The following NEBL variants were observed in gnomAD, a reference collection of about 807,000 sequenced individuals.
NEBL encodes the protein LIM and SH3 protein 2.
NEBL carries 122 observed loss-of-function variants against 140.2 expected under a neutral mutation model. The ratio of observed to expected loss-of-function variants is 0.87; its 90% CI spans 0.75 to 1.01. The LOEUF is 1.01. Among genes scored for constraint, NEBL ranks in the 50% least tolerant of loss-of-function variants. The pLI is 0.00. For missense variants in NEBL, 1,365 were observed against 1,231.3 expected, an observed-to-expected ratio of 1.11 and a Z score of -1.62; for synonymous variants, 436 against 398.9, an observed-to-expected ratio of 1.09 and a Z score of -1.11.
At chr10:21,063,468 C>G (rs1468371164) in intron 2 of NEBL, among the ~76,000 whole-genome samples, 2 of 152,204 alleles carry the variant, frequency 1.3e-5, no homozygotes, top group Non-Finnish European at 2.9e-5. Flanking sequence ...CAACATGGAG[C>G]TGAAATCCCT....
At chr10:20,955,423 G>A (rs900098747) in intron 4 of NEBL, among the ~76,000 whole-genome samples, 5 of 152,182 alleles carry the variant, frequency 3.3e-5, no homozygotes, top group African/African-American at 1.2e-4. Context: ...GGATCAGGGG[G>A]CTGGGCTGTC....
At chr10:20,964,160 T>C (rs1361005243) in intron 3 of NEBL, among the ~76,000 whole-genome samples, 1 of 152,030 alleles carries the variant, frequency 6.6e-6, no homozygotes, top group Non-Finnish European at 1.5e-5. Flanking sequence ...CCCTTTGCCC[T>C]CACATGACCT....
intron 2 of NEBL, among the ~76,000 whole-genome samples, chr10:21,043,114 G>A (rs1380840480): frequency 6.6e-6 from 1 of 152,126 alleles, no homozygotes; most frequent in Non-Finnish European, 1.5e-5. Context: ...ACAGAAGTAG[G>A]CCTTTTTCCC....
intron 4 of NEBL, among the ~76,000 whole-genome samples, chr10:20,918,724 G>A (rs572481185): frequency 2.0e-4 from 31 of 151,454 alleles, no homozygotes; most frequent in Non-Finnish European, 3.4e-4. Flanking sequence ...GGTGGCGGGC[G>A]CCTATAGTCC....
intron 2 of NEBL, among the ~76,000 whole-genome samples, chr10:21,144,683 T>G (rs995780354): frequency 6.6e-6 from 1 of 151,876 alleles, no homozygotes; most frequent in Non-Finnish European, 1.5e-5. Context: ...GCCGAGATCA[T>G]GTCACTGCAC....
At chr10:20,809,931 A>G in intron 24 of NEBL, 33 bp from the exon 25 acceptor site, 2 of 1,394,604 alleles carry the variant, frequency 1.4e-6, no homozygotes, top group Non-Finnish European at 2.0e-6. Flanking sequence ...AACACTCATC[A>G]AGAAGGAATT....
intron 2 of NEBL, among the ~76,000 whole-genome samples, chr10:21,088,198 AT>A (rs1335208945): frequency 6.6e-6 from 1 of 152,178 alleles, no homozygotes; most frequent in Non-Finnish European, 1.5e-5. Context: ...AGTGTACCAC[AT>A]CCTGGCTCAC....
intron 11 of NEBL, among the ~76,000 whole-genome samples, chr10:20,849,268 G>A (rs973152040): frequency 3.4e-4 from 52 of 151,952 alleles, no homozygotes; most frequent in Non-Finnish European, 5.1e-4. Flanking sequence ...AAAAGTGTGG[G>A]GAATATCGAG....
chr10:20,893,235 T>G (rs1166619735), intron 2 of NEBL, among the ~76,000 whole-genome samples: 1 of 152,168 alleles, frequency 6.6e-6, no homozygotes, highest in East Asian at 1.9e-4. Flanking sequence ...ATCAGAAGAC[T>G]ACTAGATCCA....
intron 4 of NEBL, among the ~76,000 whole-genome samples, chr10:20,952,029 A>T (rs533455694): frequency 6.6e-6 from 1 of 152,304 alleles, no homozygotes; most frequent in African/African-American, 2.4e-5. Flanking sequence ...ATTCTGAACT[A>T]CATAATTCAA....
intron 14 of NEBL, among the ~76,000 whole-genome samples, 161 bp downstream of exon 14, chr10:20,835,352 T>C (rs528906011): frequency 2.8e-4 from 42 of 152,320 alleles, no homozygotes; most frequent in African/African-American, 9.9e-4. Flanking sequence ...GCAAAAACTG[T>C]AATTTTTCAA....
At chr10:21,028,782 A>G (rs1009051782) in intron 2 of NEBL, among the ~76,000 whole-genome samples, 9 of 152,172 alleles carry the variant, frequency 5.9e-5, no homozygotes, top group African/African-American at 2.2e-4. Flanking sequence ...ATTTAAAAAA[A>G]AAAATGAAGA....
At chr10:21,169,836 T>C (rs1840997136) in intron 2 of NEBL, among the ~76,000 whole-genome samples, 1 of 152,220 alleles carries the variant, frequency 6.6e-6, no homozygotes, top group African/African-American at 2.4e-5. Context: ...ACTGGAATCA[T>C]ATGAGAAATT....
chr10:21,041,238 A>C (rs1279533372), intron 2 of NEBL, among the ~76,000 whole-genome samples: 1 of 152,134 alleles, frequency 6.6e-6, no homozygotes, highest in Non-Finnish European at 1.5e-5. Context: ...CCTAATGTCT[A>C]TTGTTCCCTT....
chr10:20,985,657 G>A (rs966172904), intron 3 of NEBL, among the ~76,000 whole-genome samples: 2 of 152,034 alleles, frequency 1.3e-5, no homozygotes, highest in Non-Finnish European at 2.9e-5. Flanking sequence ...ACACTCTACT[G>A]TTTTAGTTGA....
chr10:21,114,051 G>A (rs1838168227), intron 2 of NEBL, among the ~76,000 whole-genome samples: 1 of 151,926 alleles, frequency 6.6e-6, no homozygotes, highest in Admixed American at 6.6e-5. Flanking sequence ...CACTTTTAAT[G>A]CTATTAATTT....
rs1183494168 is a variant in NEBL at position 20,784,307 on chromosome 10, C to T, written c.*1440G>A. On this transcript the variant is annotated 3_prime_UTR_variant, in exon 28 of 28. Coordinates refer to ENST00000377122, the MANE Select transcript of NEBL (RefSeq NM_006393.3). ...CGACGGGTGCCGCTGGCTTGGTGAC[C>T]TGGACTGCAGACTCTGGATGAAATT... is the stretch of plus-strand genomic sequence containing the variant. The T allele has an allele frequency of 6.6e-6, 1 of 152,040 alleles. No individual in the cohort carries two copies. The highest frequency in any genetic ancestry group is 1.5e-5 in the Non-Finnish European group (1 of 68,028). 9.4% of individuals were successfully genotyped at this position (152,040 alleles called of 1,614,324 possible). A position where few individuals can be genotyped will look rare whatever the true frequency, so the allele number is the denominator to read the frequency against.
chr10:20,790,983 T>C (rs1226698440), intron 26 of NEBL, among the ~76,000 whole-genome samples: 1 of 152,236 alleles, frequency 6.6e-6, no homozygotes, highest in Non-Finnish European at 1.5e-5. Flanking sequence ...AGTCATCAGA[T>C]ACCATTAGCA....
At position 20,888,779 on chromosome 10, in the gene NEBL, A is replaced by T. The variant is rs138679057; in HGVS notation, c.259-572T>A. On this transcript the variant is annotated intron_variant, in intron 3 of 27. Transcript: ENST00000377122. ...TTCAAGGGAACACAATAGATTGCTC[A>T]CTTCCAATATTTTGCTCTGCAATTA... is the stretch of plus-strand genomic sequence containing the variant. Among the ~76,000 whole-genome samples the T allele has an allele frequency of 3.8e-4, 58 of 152,356 alleles. No homozygotes were observed. In the East Asian group the frequency reaches 0.01, roughly 26 times the overall value.
Sources: allele counts gnomAD v4.1 joint callset (sites outside exome capture counted in the v4.1 genomes callset), GRCh38; gene constraint gnomAD v4.1.1; transcripts MANE v1.5; gene names NCBI Gene and HGNC (gene_info 2026-07-23, HGNC 2026-07-21).